NDEL1: variants seen among roughly 807,000 people sequenced by gnomAD.
The protein encoded by NDEL1 is nudE neurodevelopment protein 1 like 1, also known as nuclear distribution protein nudE-like 1.
A neutral mutation model predicts 45.7 loss-of-function variants in NDEL1; 9 were observed. The observed-to-expected ratio is 0.20, with a 90% confidence interval of 0.12 to 0.34. The LOEUF is 0.34. Ranked by LOEUF, NDEL1 falls within the 10% of genes least tolerant of loss-of-function variation. The probability of loss-of-function intolerance (pLI) is 1.00; values close to 1 mark genes in which losing one functional copy is unlikely to be tolerated. For missense variants in NDEL1, 306 were observed against 406.2 expected (o/e 0.75, Z 2.12); for synonymous variants, 133 against 158.6 (o/e 0.84, Z 1.21).
At chr17:8,431,500 C>T (rs1908997774), upstream of NDEL1, 1 of 152,244 alleles carries the variant, frequency 6.6e-6, no homozygotes. Flanking sequence ...GCACAGTGCT[C>T]TAGCCCAATA....
intron 8 of NDEL1, chr17:8,463,262 C>A: frequency 1.4e-6 from 2 of 1,432,922 alleles, no homozygotes; most frequent in Non-Finnish European, 2.0e-6. Flanking sequence ...AATTTTAGGG[C>A]GTGATGTGGA....
chr17:8,464,175 A>G, intron 8 of NDEL1: 1 of 152,208 alleles, frequency 6.6e-6, no homozygotes. Flanking sequence ...ACTTTTTCTT[A>G]GCTGGATTCT....
chr17:8,473,763 T>C (rs999049594), intron 3 of NDEL1, among the ~76,000 whole-genome samples: 1 of 152,266 alleles, frequency 6.6e-6, no homozygotes, highest in South Asian at 2.1e-4. Context: ...GATTCTGTGC[T>C]GCCCTAGTAT....
At chr17:8,432,626 C>T (rs140115709), upstream of NDEL1, among the ~76,000 whole-genome samples, 998 of 151,722 alleles carry the variant, frequency 6.6e-3, 14 homozygotes, top group African/African-American at 0.021. Context: ...CCTCGTGATC[C>T]GCCTGCCTCG....
At chr17:8,455,514 C>T (rs1181896409) in intron 7 of NDEL1, among the ~76,000 whole-genome samples, 3 of 151,940 alleles carry the variant, frequency 2.0e-5, no homozygotes, top group Non-Finnish European at 4.4e-5. Flanking sequence ...ATGGTGAAAC[C>T]CTGTCTCTAC....
chr17:8,468,851 A>G (rs1911759574), downstream of NDEL1, among the ~76,000 whole-genome samples: 1 of 152,178 alleles, frequency 6.6e-6, no homozygotes, highest in Admixed American at 6.5e-5. Context: ...TAAAAATACA[A>G]AAATTGGCCA....
intron 1 of NDEL1, 132 bp from the exon 2 acceptor site, chr17:8,444,128 G>T: frequency 1.6e-6 from 1 of 607,850 alleles, no homozygotes. Flanking sequence ...AGTTTGAAGA[G>T]AGTTAACCAC....
intron 1 of NDEL1, among the ~76,000 whole-genome samples, chr17:8,442,925 G>A (rs557494635): frequency 3.3e-5 from 5 of 151,976 alleles, no homozygotes; most frequent in South Asian, 2.1e-4. Flanking sequence ...GACTACAGGC[G>A]CCTGCCACCA....
intron 5 of NDEL1, 43 bp from the exon 6 acceptor site, chr17:8,450,737 C>A: frequency 6.5e-7 from 1 of 1,533,610 alleles, no homozygotes; most frequent in South Asian, 1.3e-5. Context: ...TATATTTGCT[C>A]CCTCTAGTGA....
At chr17:8,446,968 T>C in intron 4 of NDEL1, 66 bp downstream of exon 4, 1 of 1,536,466 alleles carries the variant, frequency 6.5e-7, no homozygotes, top group Non-Finnish European at 8.8e-7. Flanking sequence ...AAATCTTTAT[T>C]AGGCTCTTCC....
At chr17:8,462,179 C>T (rs1265463918) in intron 8 of NDEL1, among the ~76,000 whole-genome samples, 1 of 151,860 alleles carries the variant, frequency 6.6e-6, no homozygotes, top group South Asian at 2.1e-4. Context: ...CGGAAATGTG[C>T]TGTGCTTCCC....
At chr17:8,440,768 G>T (rs1909680757) in intron 1 of NDEL1, among the ~76,000 whole-genome samples, 1 of 152,152 alleles carries the variant, frequency 6.6e-6, no homozygotes, top group African/African-American at 2.4e-5. Context: ...ACATCCAGAG[G>T]GGTAAACAAT....
chr17:8,473,140 T>A (rs1911923367), downstream of NDEL1, among the ~76,000 whole-genome samples: 1 of 152,110 alleles, frequency 6.6e-6, no homozygotes, highest in African/African-American at 2.4e-5. Flanking sequence ...GCTGAGTAGT[T>A]GGGAAACTGT....
downstream of NDEL1, among the ~76,000 whole-genome samples, chr17:8,472,341 C>T (rs966511308): frequency 1.3e-5 from 2 of 152,094 alleles, no homozygotes; most frequent in African/African-American, 4.8e-5. Flanking sequence ...TGGAAGTGTC[C>T]CCTCAAGCCA....
chr17:8,432,337 AT>A (rs376104492), upstream of NDEL1, among the ~76,000 whole-genome samples: 31 of 42,390 alleles, frequency 7.3e-4, no homozygotes, highest in East Asian at 9.1e-3. Flanking sequence ...AAATATATAT[AT>A]TATATATAAA....
chr17:8,434,218 C>T (rs1442466751), upstream of NDEL1, among the ~76,000 whole-genome samples: 1 of 152,102 alleles, frequency 6.6e-6, no homozygotes, highest in African/African-American at 2.4e-5. Flanking sequence ...GTCAGGAGTT[C>T]TTTTTTGTTT....
rs544363493 is a variant in NDEL1, at chr17:8,457,768, T to G, written c.793-2241T>G. Among the ~76,000 whole-genome samples the G allele has an allele frequency of 6.0e-4, 92 of 152,344 alleles. 4 individuals carry two copies. The South Asian group carries it at 0.018, about 29-fold the overall frequency. Reference sequence around the variant, plus strand: ...AAATTCCTGTCCGTGGCTAATTTTGTCCATCTGTGCTTTGGATCTCATTTC... The same window carrying G: ...AAATTCCTGTCCGTGGCTAATTTTGGCCATCTGTGCTTTGGATCTCATTTC... On this transcript the variant is annotated intron_variant, in intron 7 of 8. Coordinates refer to ENST00000334527, the MANE Select transcript of NDEL1 (RefSeq NM_030808.5).
rs1910058324 is a variant in NDEL1 at position 8,446,024 on chromosome 17, G to A, written c.240+160G>A. The A allele has an allele frequency of 7.6e-6, 5 of 661,346 alleles. 1 individual carries two copies. In the South Asian group the frequency reaches 1.3e-4, roughly 17 times the overall value. 41.0% of individuals were successfully genotyped at this position (661,346 alleles called of 1,614,324 possible). ...AAATGTTTTCTTTCACGGAACCAGG[G>A]GAAAAGGTGGTTTAGAGTTTAGGAG... is the stretch of plus-strand genomic sequence containing the variant. On this transcript the variant is annotated intron_variant, in intron 3 of 8. Transcript: ENST00000334527.
chr17:8,442,777 C>CTTTTTTTTTTTTT, intron 1 of NDEL1, among the ~76,000 whole-genome samples: 1 of 84,152 alleles, frequency 1.2e-5, no homozygotes, highest in Non-Finnish European at 2.1e-5. Flanking sequence ...TATTTATTTA[C>CTTTTTTTTTTTTT]TTTTTTTTTT....
Sources: allele counts gnomAD v4.1 joint callset (sites outside exome capture counted in the v4.1 genomes callset), GRCh38; gene constraint gnomAD v4.1.1; transcripts MANE v1.5; gene names NCBI Gene and HGNC (gene_info 2026-07-23, HGNC 2026-07-21).